The following RPS6KA2 variants were observed in gnomAD, a reference collection of about 807,000 sequenced individuals.
RPS6KA2 encodes ribosomal protein S6 kinase A2, also known as ribosomal protein S6 kinase alpha-2.
RPS6KA2 carries 42 observed loss-of-function variants against 91.8 expected under a neutral mutation model. The observed-to-expected ratio is 0.46, with a 90% CI of 0.36 to 0.59. The LOEUF (loss-of-function observed/expected upper bound fraction) is 0.59, where lower values mean the gene tolerates loss of function less well. Ranked by LOEUF, RPS6KA2 falls within the 20% of genes least tolerant of loss-of-function variation. The probability of loss-of-function intolerance (pLI) is 0.00; values close to 1 mark genes in which losing one functional copy is unlikely to be tolerated. For missense variants in RPS6KA2, 798 were observed against 978.5 expected (o/e 0.82, Z 2.46); for synonymous variants, 414 against 393.6 (o/e 1.05, Z -0.61).
intron 12 of RPS6KA2, 127 bp from the exon 13 acceptor site, chr6:166,451,360 C>A: frequency 1.4e-6 from 1 of 726,014 alleles, no homozygotes; most frequent in Non-Finnish European, 2.1e-6. Flanking sequence ...TGTGTGTGTG[C>A]ACGTGGCGTA....
intron 2 of RPS6KA2, among the ~76,000 whole-genome samples, chr6:166,721,001 A>G (rs1790155221): frequency 6.6e-6 from 1 of 152,210 alleles, no homozygotes; most frequent in Non-Finnish European, 1.5e-5. Flanking sequence ...TCTTACATAC[A>G]CTTCACAGGA....
intron 3 of RPS6KA2, among the ~76,000 whole-genome samples, chr6:166,530,704 G>A (rs898539174): frequency 3.9e-5 from 6 of 152,212 alleles, no homozygotes; most frequent in East Asian, 1.9e-4. Context: ...AGCCTGGAAC[G>A]GAGATTTTGG....
In RPS6KA2 at chr6:166,412,707, G is replaced by A; in HGVS notation, c.*55C>T. On this transcript the variant is annotated 3_prime_UTR_variant, in exon 21 of 21. Transcript: ENST00000265678. The surrounding 1 kb of genome is among the most constrained non-coding windows in gnomAD (Gnocchi z 4.3). ...GTGCCAGACGGGCTCCGAGGCCGGG[G>A]TCTGTGAGCCCACGAGGATGCTGGC... 1 of 1,525,518 alleles carries A rather than the reference G, an allele frequency of 6.6e-7. No individual in the cohort carries two copies. Among genetic ancestry groups the A allele is most frequent in the Non-Finnish European group, 8.8e-7 (1 of 1,134,430 alleles). The allele number at this position is 1,525,518 out of a possible 1,614,324, so 94.5% of individuals were successfully genotyped here.
intron 16 of RPS6KA2, among the ~76,000 whole-genome samples, chr6:166,424,776 G>A (rs1778849690): frequency 6.6e-6 from 1 of 152,200 alleles, no homozygotes; most frequent in African/African-American, 2.4e-5. Context: ...CAGCGTCCCT[G>A]CGCTCCGGTT....
At chr6:166,834,657 T>C (rs78574794) in intron 2 of RPS6KA2, among the ~76,000 whole-genome samples, 3,829 of 152,292 alleles carry the variant, frequency 0.025, 169 homozygotes, top group African/African-American at 0.088. Context: ...TGCCCATTTT[T>C]ATTGGGTGGT....
At chr6:166,421,345 A>G (rs1378064270) in intron 17 of RPS6KA2, among the ~76,000 whole-genome samples, 1 of 152,222 alleles carries the variant, frequency 6.6e-6, no homozygotes, top group Non-Finnish European at 1.5e-5. Context: ...ACCCCAAAAT[A>G]TGCTGCATAG....
At chr6:166,766,579 A>T (rs1330514687) in intron 2 of RPS6KA2, among the ~76,000 whole-genome samples, 2 of 152,178 alleles carry the variant, frequency 1.3e-5, no homozygotes, top group Non-Finnish European at 2.9e-5. Flanking sequence ...ACTTTGATGT[A>T]CTGTTTTTTC....
At chr6:166,466,399 AG>A (rs1193979696) in intron 11 of RPS6KA2, among the ~76,000 whole-genome samples, 1 of 152,252 alleles carries the variant, frequency 6.6e-6, no homozygotes, top group Non-Finnish European at 1.5e-5. Context: ...TGTCTTAGCA[AG>A]TGCGTAAGCC....
At chr6:166,713,930 C>T (rs1029917988) in intron 2 of RPS6KA2, among the ~76,000 whole-genome samples, 3 of 152,192 alleles carry the variant, frequency 2.0e-5, no homozygotes, top group South Asian at 2.1e-4. Context: ...GTTAACCTAT[C>T]GCTGCTGCCA....
In RPS6KA2 at chr6:166,770,954, A is replaced by G; in HGVS notation, c.123+87246T>C. 6.3e-7 allele frequency: 1 copy of G among 1,580,368 alleles called. No individual in the cohort carries two copies. Among genetic ancestry groups the G allele is most frequent in the Non-Finnish European group, 8.6e-7 (1 of 1,169,166 alleles). ...CGAAGAAAGAATTCCTTTAAGTCAC[A>G]GGACGTATTTACAGTCAGCAACTTC... is the stretch of plus-strand genomic sequence containing the variant. On this transcript the variant is annotated intron_variant, in intron 2 of 21. Coordinates refer to the RPS6KA2 transcript ENST00000503859. This position sits in a 1 kb window ranked among gnomAD's most constrained non-coding sequence, Gnocchi z 5.1.
intron 1 of RPS6KA2, 95 bp from the exon 2 acceptor site, chr6:166,538,879 T>C (rs879063567): frequency 1.5e-6 from 1 of 659,648 alleles, no homozygotes; most frequent in Non-Finnish European, 2.8e-6. Context: ...ACGAGCTGGG[T>C]CTGTTACAGA....
At position 166,858,545 on chromosome 6, in the gene RPS6KA2, T is replaced by C. The variant is rs182459963; in HGVS notation, c.64-286A>G. ...TCAATGAAGCGAGTGTGACTTACGG[T>C]ACAATCTAAAGGACGACAAGGTGAT... On this transcript the variant is annotated intron_variant, in intron 1 of 21. Transcript: ENST00000503859. Among the ~76,000 whole-genome samples the C allele has an allele frequency of 2.0e-3, 298 of 152,326 alleles. 2 individuals carry two copies. The highest frequency in any genetic ancestry group is 6.9e-3 in the African/African-American group (285 of 41,578).
chr6:166,786,743 G>A (rs1046270933), intron 2 of RPS6KA2, among the ~76,000 whole-genome samples: 19 of 152,196 alleles, frequency 1.2e-4, no homozygotes, highest in African/African-American at 4.3e-4. Context: ...ACTGAATTAT[G>A]TCATGATAAA....
chr6:166,731,149 G>A (rs1790500713), intron 2 of RPS6KA2, among the ~76,000 whole-genome samples: 1 of 152,130 alleles, frequency 6.6e-6, no homozygotes, highest in Admixed American at 6.5e-5. Flanking sequence ...GGTTGGGGCA[G>A]GACAATTGCT....
Position 166,825,321 on chromosome 6 carries a change from G to C in RPS6KA2, c.123+32879C>G, listed in dbSNP as rs1011141507. On this transcript the variant is annotated intron_variant, in intron 2 of 21. Transcript: ENST00000503859. The surrounding 1 kb of genome is among the most constrained non-coding windows in gnomAD (Gnocchi z 4.1). ...GGGTACCCGTGGCTGTGAGGGGAAG[G>C]CGACTATTCTGAAGAGAATAACTTT... Among the ~76,000 whole-genome samples, 7 of 152,222 alleles carry C rather than the reference G, an allele frequency of 4.6e-5. No individual in the cohort carries two copies. The highest frequency in any genetic ancestry group is 1.7e-4 in the African/African-American group (7 of 41,458).
At chr6:166,691,677 C>T (rs138657116) in intron 2 of RPS6KA2, among the ~76,000 whole-genome samples, 3 of 152,286 alleles carry the variant, frequency 2.0e-5, no homozygotes, top group Admixed American at 6.5e-5. Flanking sequence ...TAGTACCATG[C>T]GTGCCATGAC....
At chr6:166,519,882 T>C (rs1782789027) in intron 3 of RPS6KA2, among the ~76,000 whole-genome samples, 1 of 152,220 alleles carries the variant, frequency 6.6e-6, no homozygotes, top group Non-Finnish European at 1.5e-5. Flanking sequence ...TAGTTTTACA[T>C]GTCAACTTGA....
intron 1 of RPS6KA2, among the ~76,000 whole-genome samples, chr6:166,562,819 G>A (rs771210032): frequency 1.3e-5 from 2 of 152,222 alleles, no homozygotes; most frequent in Non-Finnish European, 2.9e-5. Flanking sequence ...TGGCCACGAT[G>A]GGGGCTGGGG....
chr6:166,451,469 G>C (rs891842999), intron 12 of RPS6KA2, among the ~76,000 whole-genome samples: 6 of 151,880 alleles, frequency 4.0e-5, no homozygotes, highest in African/African-American at 1.4e-4. Context: ...ATTTTTAAAT[G>C]GCAAAAATAC....
Sources: allele counts gnomAD v4.1 joint callset (sites outside exome capture counted in the v4.1 genomes callset), GRCh38; gene constraint gnomAD v4.1.1; non-coding constraint Gnocchi (gnomAD v3.1); transcripts MANE v1.5; gene names NCBI Gene and HGNC (gene_info 2026-07-23, HGNC 2026-07-21).